The following ARSK variants were observed in gnomAD, a reference collection of about 807,000 sequenced individuals.
The protein encoded by ARSK is arylsulfatase K.
In ARSK, 37 loss-of-function variants were observed where a neutral mutation model predicts 53.2. That is an observed-to-expected ratio of 0.70 (90% CI 0.54 to 0.92). The LOEUF (loss-of-function observed/expected upper bound fraction) is 0.92. Among genes scored for constraint, ARSK ranks in the 40% least tolerant of loss-of-function variants. The pLI, the probability that ARSK is intolerant of heterozygous loss-of-function variation, is 0.00. For missense variants in ARSK, 613 were observed against 643.0 expected (o/e 0.95, Z 0.51); for synonymous variants, 208 against 223.2 (o/e 0.93, Z 0.61).
rs1049473365 is a variant in ARSK at position 95,555,613 on chromosome 5, A to G, written c.126+209A>G. 6.6e-6 allele frequency among the ~76,000 whole-genome samples: 1 copy of G among 152,100 alleles called. No individual in the cohort carries two copies. The highest frequency in any genetic ancestry group is 1.5e-5 in the Non-Finnish European group (1 of 68,024). ...TGCAAACATGTAAAACAATAGTGAAACACTGAAAACATCTTTGCAGATCTT... is the reference window on the plus strand; with the variant it reads ...TGCAAACATGTAAAACAATAGTGAAGCACTGAAAACATCTTTGCAGATCTT... On this transcript the variant is annotated intron_variant, in intron 1 of 7. Coordinates refer to ENST00000380009, the MANE Select transcript of ARSK (RefSeq NM_198150.3). This position sits in a 1 kb window ranked among gnomAD's most constrained non-coding sequence, Gnocchi z 4.0.
At chr5:95,561,944 G>C (rs1037358660) in intron 1 of ARSK, among the ~76,000 whole-genome samples, 14 of 152,274 alleles carry the variant, frequency 9.2e-5, no homozygotes, top group African/African-American at 3.4e-4. Context: ...GCTAGGCACG[G>C]TGGTTCACAC....
In ARSK at chr5:95,604,022, ATTAT is replaced by A. The variant is rs1400764366; in HGVS notation, c.*500_*503del. 1.3e-5 allele frequency: 2 copies of A among 152,224 alleles called. No homozygotes were observed. The highest frequency in any genetic ancestry group is 2.9e-5 in the Non-Finnish European group (2 of 68,040). The allele number at this position is 152,224 out of a possible 1,614,324, so 9.4% of individuals were successfully genotyped here. A position where few individuals can be genotyped will look rare whatever the true frequency, so the allele number is the denominator to read the frequency against. ...AAATCACATATTTTCAAAAATGGTTATTATTTAGGCCTTTGTACAATTTCTAACA... is the reference window on the plus strand; with the variant it reads ...AAATCACATATTTTCAAAAATGGTTATTAGGCCTTTGTACAATTTCTAACA... On this transcript the variant is annotated 3_prime_UTR_variant, in exon 8 of 8. Coordinates refer to ENST00000380009, the MANE Select transcript of ARSK (RefSeq NM_198150.3).
intron 1 of ARSK, among the ~76,000 whole-genome samples, chr5:95,561,945 T>C (rs1244222701): frequency 6.6e-6 from 1 of 152,212 alleles, no homozygotes; most frequent in Admixed American, 6.5e-5. Flanking sequence ...CTAGGCACGG[T>C]GGTTCACACC....
chr5:95,576,366 T>C (rs765930004), intron 3 of ARSK, among the ~76,000 whole-genome samples: 1 of 151,548 alleles, frequency 6.6e-6, no homozygotes, highest in African/African-American at 2.4e-5. Context: ...ACCCGGCTAA[T>C]TTTTTGTATT....
intron 3 of ARSK, among the ~76,000 whole-genome samples, chr5:95,572,671 G>A (rs1214658925): frequency 2.0e-5 from 3 of 152,124 alleles, no homozygotes; most frequent in Non-Finnish European, 4.4e-5. Context: ...CCAGCTCCTC[G>A]GGAGGCTGAG....
At chr5:95,575,193 A>G (rs1258587919) in intron 3 of ARSK, among the ~76,000 whole-genome samples, 2 of 152,080 alleles carry the variant, frequency 1.3e-5, no homozygotes, top group Non-Finnish European at 2.9e-5. Flanking sequence ...GTTCTGTTCC[A>G]TTGGTCTTAC....
intron 2 of ARSK, among the ~76,000 whole-genome samples, 192 bp downstream of exon 2, chr5:95,566,319 A>G (rs565147765): frequency 6.6e-6 from 1 of 152,190 alleles, no homozygotes. Flanking sequence ...CAAGAGTAGG[A>G]ATTTTTATCA....
chr5:95,563,972 A>G (rs984709909), intron 1 of ARSK, among the ~76,000 whole-genome samples: 1 of 141,628 alleles, frequency 7.1e-6, no homozygotes, highest in East Asian at 2.1e-4. Context: ...AGGGCTATGC[A>G]CTTTTTTTTT....
At chr5:95,574,529 A>G (rs1391806575) in intron 3 of ARSK, among the ~76,000 whole-genome samples, 1 of 152,184 alleles carries the variant, frequency 6.6e-6, no homozygotes, top group Non-Finnish European at 1.5e-5. Flanking sequence ...ACTTTTGGAT[A>G]AAAGCCATTT....
intron 5 of ARSK, among the ~76,000 whole-genome samples, chr5:95,589,475 G>A (rs984817569): frequency 1.3e-5 from 2 of 152,048 alleles, no homozygotes; most frequent in Non-Finnish European, 2.9e-5. Context: ...TCCCCTCCCC[G>A]TGTTCATGTG....
intron 6 of ARSK, among the ~76,000 whole-genome samples, chr5:95,592,464 G>A (rs1474973675): frequency 6.6e-6 from 1 of 152,136 alleles, no homozygotes; most frequent in African/African-American, 2.4e-5. Flanking sequence ...TTTATTTAGA[G>A]TTAATTTAAA....
intron 3 of ARSK, among the ~76,000 whole-genome samples, chr5:95,581,240 A>G (rs1425197964): frequency 6.6e-6 from 1 of 152,234 alleles, no homozygotes; most frequent in Non-Finnish European, 1.5e-5. Context: ...ACCTTGGTTA[A>G]AAGAATCTCA....
intron 6 of ARSK, among the ~76,000 whole-genome samples, chr5:95,597,498 A>G (rs984394777): frequency 6.6e-6 from 1 of 152,208 alleles, no homozygotes; most frequent in Non-Finnish European, 1.5e-5. Flanking sequence ...CAGAGATTGT[A>G]AGGTCAGACT....
chr5:95,561,237 C>T (rs2112411178), intron 1 of ARSK, among the ~76,000 whole-genome samples: 1 of 152,298 alleles, frequency 6.6e-6, no homozygotes, highest in African/African-American at 2.4e-5. Flanking sequence ...CAGTTATACC[C>T]ACTGGGATGG....
chr5:95,598,461 G>T (rs890113119), intron 6 of ARSK, among the ~76,000 whole-genome samples: 3 of 151,952 alleles, frequency 2.0e-5, no homozygotes, highest in African/African-American at 4.8e-5. Context: ...TGGATATTTC[G>T]CATGGGTTTT....
At chr5:95,577,428 G>A (rs1046890059) in intron 3 of ARSK, among the ~76,000 whole-genome samples, 1 of 152,160 alleles carries the variant, frequency 6.6e-6, no homozygotes, top group Non-Finnish European at 1.5e-5. Context: ...AATAGTAGGA[G>A]AGTTTTATGT....
chr5:95,593,635 T>C (rs1214031942), intron 6 of ARSK, among the ~76,000 whole-genome samples: 2 of 152,140 alleles, frequency 1.3e-5, no homozygotes, highest in East Asian at 3.8e-4. Context: ...TATAAGAAAA[T>C]ACTAAATAAA....
At chr5:95,568,198 G>T in intron 3 of ARSK, 149 bp downstream of exon 3, 1 of 859,138 alleles carries the variant, frequency 1.2e-6, no homozygotes, top group Non-Finnish European at 1.7e-6. Context: ...TGAAATTTTA[G>T]CTTTCTTTCA....
intron 5 of ARSK, among the ~76,000 whole-genome samples, chr5:95,589,764 A>C (rs897777740): frequency 6.6e-6 from 1 of 152,220 alleles, no homozygotes; most frequent in African/African-American, 2.4e-5. Flanking sequence ...TTTGTAATAG[A>C]ATGATGTATA....
Sources: allele counts gnomAD v4.1 joint callset (sites outside exome capture counted in the v4.1 genomes callset), GRCh38; gene constraint gnomAD v4.1.1; non-coding constraint Gnocchi (gnomAD v3.1); transcripts MANE v1.5; gene names NCBI Gene and HGNC (gene_info 2026-07-23, HGNC 2026-07-21).